Variants in DAGLA observed in about 807,000 individuals in gnomAD.
The protein encoded by DAGLA is diacylglycerol lipase alpha.
In DAGLA, 22 loss-of-function variants were observed where a neutral mutation model predicts 102.6. That is an observed-to-expected ratio of 0.21 (90% confidence interval 0.15 to 0.31). The LOEUF is 0.31. DAGLA is among the 10% of genes least tolerant of loss of function. The probability of loss-of-function intolerance (pLI) is 1.00; values close to 1 mark genes in which losing one functional copy is unlikely to be tolerated. For synonymous variants in DAGLA, 578 were observed against 628.9 expected, an observed-to-expected ratio of 0.92 and a Z score of 1.21; for missense variants, 927 against 1,446.6, an observed-to-expected ratio of 0.64 and a Z score of 5.83.
intron 5 of DAGLA, among the ~76,000 whole-genome samples, chr11:61,724,915 C>T (rs997258634): frequency 1.3e-5 from 2 of 152,120 alleles, no homozygotes; most frequent in African/African-American, 4.8e-5. Flanking sequence ...ACCTGCCTCC[C>T]GTAGCCCTGG....
In DAGLA at chr11:61,706,381, G is replaced by A. The variant is rs534378170; in HGVS notation, c.-44-13731G>A. On this transcript the variant is annotated intron_variant, in intron 1 of 19. Coordinates refer to ENST00000257215, the MANE Select transcript of DAGLA (RefSeq NM_006133.3). Reference sequence around the variant, plus strand: ...TGGGCTGGCCAGGGCTCTGCTCCCAGGGACCTGGTGTCTGCACCCCACCCA... The same window carrying A: ...TGGGCTGGCCAGGGCTCTGCTCCCAAGGACCTGGTGTCTGCACCCCACCCA... 2.6e-5 allele frequency among the ~76,000 whole-genome samples: 4 copies of A among 152,322 alleles called. No homozygotes were observed. The South Asian group carries it at 8.3e-4, about 32-fold the overall frequency.
chr11:61,744,629 T>C lies in DAGLA; in HGVS notation c.*140T>C, dbSNP rs1473564865. ...TCAGGCACAGGCATCGCTGCTGAGCTGGGGGTCCGCATCCCTACCTCAGCT... is the reference window on the plus strand; with the variant it reads ...TCAGGCACAGGCATCGCTGCTGAGCCGGGGGTCCGCATCCCTACCTCAGCT... On this transcript the variant is annotated 3_prime_UTR_variant, in exon 20 of 20. Coordinates refer to ENST00000257215, the MANE Select transcript of DAGLA (RefSeq NM_006133.3). The C allele has an allele frequency of 2.9e-6, 2 of 688,236 alleles. No individual in the cohort carries two copies. Among genetic ancestry groups the C allele is most frequent in the East Asian group, 5.6e-5 (2 of 35,734 alleles). 42.6% of individuals were successfully genotyped at this position (688,236 alleles called of 1,614,324 possible).
intron 1 of DAGLA, among the ~76,000 whole-genome samples, chr11:61,704,848 C>T (rs1320333583): frequency 6.6e-6 from 1 of 152,116 alleles, no homozygotes; most frequent in African/African-American, 2.4e-5. Flanking sequence ...TGGTCGGGCC[C>T]GGATGGCAGG....
Position 61,720,941 on chromosome 11 carries a change from A to G in DAGLA, c.307+51A>G, listed in dbSNP as rs1187339796. On this transcript the variant is annotated intron_variant, in intron 3 of 19. Coordinates refer to ENST00000257215, the MANE Select transcript of DAGLA (RefSeq NM_006133.3). Reference sequence around the variant, plus strand: ...TGCCCCAGACAACTCCCACCTCTCCATTCACTCAGCCAGTATTTACTGCGC... The same window carrying G: ...TGCCCCAGACAACTCCCACCTCTCCGTTCACTCAGCCAGTATTTACTGCGC... The G allele has an allele frequency of 1.5e-5, 23 of 1,544,066 alleles. No homozygotes were observed. In the East Asian group the frequency reaches 5.0e-4, roughly 33 times the overall value.
At chr11:61,711,033 T>C (rs2065190695) in intron 1 of DAGLA, among the ~76,000 whole-genome samples, 1 of 152,182 alleles carries the variant, frequency 6.6e-6, no homozygotes, top group Non-Finnish European at 1.5e-5. Context: ...GGTCAGCTCA[T>C]TGGATGGCCA....
At chr11:61,725,952 C>G (rs570996389) in intron 5 of DAGLA, 43 bp from the exon 6 acceptor site, 2 of 1,567,758 alleles carry the variant, frequency 1.3e-6, no homozygotes, top group East Asian at 2.2e-5. Flanking sequence ...CTCTTCTGGT[C>G]CAGCCCTCTG....
At position 61,728,867 on chromosome 11, in the gene DAGLA, C is replaced by T; in HGVS notation, c.772-64C>T. 16 of 1,485,498 alleles carry T rather than the reference C, an allele frequency of 1.1e-5. No homozygotes were observed. In the South Asian group the frequency reaches 1.4e-4, roughly 13 times the overall value. The allele number at this position is 1,485,498 out of a possible 1,614,324, so 92.0% of individuals were successfully genotyped here. A position where few individuals can be genotyped will look rare whatever the true frequency, so the allele number is the denominator to read the frequency against. ...AGGCGGACGCCAGGGCCTGGGCCCC[C>T]TTTCCCAGCCATGCAGCCGGGCCTG... On this transcript the variant is annotated intron_variant, in intron 7 of 19. Transcript: ENST00000257215.
intron 1 of DAGLA, among the ~76,000 whole-genome samples, chr11:61,714,828 A>G (rs1404455225): frequency 2.6e-5 from 4 of 152,194 alleles, no homozygotes; most frequent in Non-Finnish European, 5.9e-5. Flanking sequence ...TGGCAGCAGG[A>G]ATGACCTGCG....
chr11:61,724,141 A>G (rs2065306095), intron 5 of DAGLA, among the ~76,000 whole-genome samples: 1 of 152,150 alleles, frequency 6.6e-6, no homozygotes, highest in Admixed American at 6.5e-5. Flanking sequence ...TGGGAGAGGC[A>G]AGTCAAGGAA....
At chr11:61,720,508 G>A (rs1405833317) in intron 2 of DAGLA, among the ~76,000 whole-genome samples, 171 bp from the exon 3 acceptor site, 3 of 152,148 alleles carry the variant, frequency 2.0e-5, no homozygotes, top group Non-Finnish European at 2.9e-5. Flanking sequence ...TTTACTGGCC[G>A]CCCATGCCCT....
chr11:61,731,182 C>A, intron 8 of DAGLA, 135 bp from the exon 9 acceptor site: 1 of 1,025,000 alleles, frequency 9.8e-7, no homozygotes, highest in Non-Finnish European at 1.4e-6. Flanking sequence ...CTGGGCCCCA[C>A]ACCTCAACAG....
intron 19 of DAGLA, among the ~76,000 whole-genome samples, chr11:61,741,587 C>T (rs2065480278): frequency 6.6e-6 from 1 of 151,702 alleles, no homozygotes; most frequent in African/African-American, 2.4e-5. Context: ...AACCCTGGGC[C>T]ACAAAAGCAC....
intron 13 of DAGLA, 48 bp from the exon 14 acceptor site, chr11:61,737,134 G>T (rs7941975): frequency 3.2e-4 from 517 of 1,610,910 alleles, no homozygotes; most frequent in Non-Finnish European, 4.1e-4. Context: ...TAAGACAGTC[G>T]CTTGGCGGGC....
At chr11:61,696,173 T>G (rs1056121574) in intron 1 of DAGLA, among the ~76,000 whole-genome samples, 11 of 152,206 alleles carry the variant, frequency 7.2e-5, no homozygotes, top group Non-Finnish European at 1.5e-4. Context: ...GTTCCGTAGG[T>G]GTCAGCGGAA....
At chr11:61,689,098 G>T (rs1392600202) in intron 1 of DAGLA, among the ~76,000 whole-genome samples, 1 of 152,270 alleles carries the variant, frequency 6.6e-6, no homozygotes, top group African/African-American at 2.4e-5. Context: ...GCCTTCTGCG[G>T]GCCGGGATTA....
At chr11:61,712,499 A>G (rs1466682718) in intron 1 of DAGLA, among the ~76,000 whole-genome samples, 1 of 152,180 alleles carries the variant, frequency 6.6e-6, no homozygotes, top group Non-Finnish European at 1.5e-5. Context: ...CACAAGGCAC[A>G]CTGTTTTCAT....
intron 1 of DAGLA, among the ~76,000 whole-genome samples, chr11:61,689,528 G>A (rs1251892504): frequency 7.2e-5 from 7 of 97,600 alleles, no homozygotes; most frequent in African/African-American, 2.3e-4. Flanking sequence ...TTTTTGAGAT[G>A]GAGTCTTGCT....
chr11:61,701,466 G>A lies in DAGLA; in HGVS notation c.-44-18646G>A, dbSNP rs550112560. On this transcript the variant is annotated intron_variant, in intron 1 of 19. Coordinates refer to ENST00000257215, the MANE Select transcript of DAGLA (RefSeq NM_006133.3). ...GCACCTGCTGTCTTCCTCTGGTCTC[G>A]TGGATTGTACGAACCTGGAGGAGGA... Among the ~76,000 whole-genome samples, 5 of 152,314 alleles carry A rather than the reference G, an allele frequency of 3.3e-5. No individual in the cohort carries two copies. The South Asian group carries it at 8.3e-4, about 25-fold the overall frequency.
chr11:61,691,542 C>G (rs564145049), intron 1 of DAGLA, among the ~76,000 whole-genome samples: 7 of 152,236 alleles, frequency 4.6e-5, no homozygotes, highest in African/African-American at 9.6e-5. Flanking sequence ...TGGGACCCCC[C>G]CCAACCCAAC....
Sources: gnomAD v4.1 joint callset for allele counts (sites outside exome capture counted in the v4.1 genomes callset) on GRCh38, gnomAD v4.1.1 for gene constraint, MANE v1.5 for transcripts, NCBI Gene and HGNC (gene_info 2026-07-23, HGNC 2026-07-21) for gene names.